The following PLS3 variants were observed in gnomAD, a reference collection of about 807,000 sequenced individuals.
PLS3 encodes plastin-3.
In PLS3, 11 loss-of-function variants were observed where a neutral mutation model predicts 46.5. The observed-to-expected ratio is 0.24, with a 90% CI of 0.15 to 0.39. PLS3 has a LOEUF of 0.39. PLS3 is among the 10% of genes least tolerant of loss of function. The probability of loss-of-function intolerance (pLI) is 1.00; values close to 1 mark genes in which losing one functional copy is unlikely to be tolerated. For synonymous variants in PLS3, 167 were observed against 162.2 expected (o/e 1.03, Z -0.22); for missense variants, 308 against 461.8 (o/e 0.67, Z 3.05).
chrX:115,612,378 T>TA lies in PLS3; in HGVS notation c.73+2061dup, dbSNP rs201119195. 6.5e-3 allele frequency among the ~76,000 whole-genome samples: 724 copies of TA among 112,119 alleles called. 5 individuals carry two copies. Among genetic ancestry groups the TA allele is most frequent in the African/African-American group, 0.022 (676 of 30,986 alleles). On this transcript the variant is annotated intron_variant, in intron 2 of 15. Coordinates refer to ENST00000355899, the MANE Select transcript of PLS3 (RefSeq NM_005032.7). ...CCCAGCCGAGTCTTTCGATTTTCTTTAAAAAATCTTTGTAGTTTTAAGTTG... is the reference window on the plus strand; with the variant it reads ...CCCAGCCGAGTCTTTCGATTTTCTTTAAAAAAATCTTTGTAGTTTTAAGTTG...
intron 1 of PLS3, among the ~76,000 whole-genome samples, chrX:115,579,624 T>C (rs1490760152): frequency 8.9e-6 from 1 of 112,192 alleles, no homozygotes; most frequent in Non-Finnish European, 1.9e-5. Context: ...GATAGCTCAT[T>C]GTAGTTGCAT....
At chrX:115,585,580 C>T (rs1419718709) in intron 1 of PLS3, among the ~76,000 whole-genome samples, 3 of 110,062 alleles carry the variant, frequency 2.7e-5, no homozygotes, top group African/African-American at 6.6e-5. Flanking sequence ...TTAGTAGAGA[C>T]GGGATTTCAC....
chrX:115,646,113 G>A lies in PLS3; in HGVS notation c.1304G>A (p.Arg435Gln), dbSNP rs1483121363. Residue 435 changes from arginine (R) to glutamine (Q), a missense_variant, in exon 12 of 16, where the codon CGA (arginine) becomes CAA (glutamine). This residue lies in a region of PLS3 where 271 missense variants were observed against 435.7 expected (regional missense o/e 0.62). Coordinates refer to ENST00000355899, the MANE Select transcript of PLS3 (RefSeq NM_005032.7). ...CTGGTAATCTTACAGTTATATGAAC[G>A]AATTAAAGTTCCTGTTGACTGGAGT... The part of the protein sequence containing the change: ...DALVILQLYE[R>Q]IKVPVDWSKV... 8.4e-7 allele frequency: 1 copy of A among 1,193,538 alleles called. No individual in the cohort carries two copies. The highest frequency in any genetic ancestry group is 1.1e-6 in the Non-Finnish European group (1 of 880,077).
chrX:115,611,213 C>A (rs1251307040), intron 2 of PLS3, among the ~76,000 whole-genome samples: 1 of 112,898 alleles, frequency 8.9e-6, no homozygotes, highest in African/African-American at 3.2e-5. Flanking sequence ...TCAACATTTT[C>A]TATGAAGGCA....
In PLS3 at chrX:115,584,395, A is replaced by G. The variant is rs186298712; in HGVS notation, c.-9+23135A>G. Among the ~76,000 whole-genome samples the G allele has an allele frequency of 2.5e-4, 28 of 112,435 alleles. 1 individual carries two copies. In the East Asian group the frequency reaches 7.2e-3, roughly 29 times the overall value. Reference sequence around the variant, plus strand: ...AAATACGAAAACAGTAGAGCAATTTAAAATTATTTAATGCTATCACTCAGC... The same window carrying G: ...AAATACGAAAACAGTAGAGCAATTTGAAATTATTTAATGCTATCACTCAGC... On this transcript the variant is annotated intron_variant, in intron 1 of 15. Coordinates refer to ENST00000355899, the MANE Select transcript of PLS3 (RefSeq NM_005032.7).
rs187529105 is a variant in PLS3 at position 115,586,265 on chromosome X, G to A, written c.-8-23978G>A. ...CTCCCAAAGTGCTGAGATTACAGGC[G>A]TGAGCCACTGCGCCCGGCCAAGAAT... On this transcript the variant is annotated intron_variant, in intron 1 of 15. Coordinates refer to ENST00000355899, the MANE Select transcript of PLS3 (RefSeq NM_005032.7). Among the ~76,000 whole-genome samples, 1,004 of 108,535 alleles carry A rather than the reference G, an allele frequency of 9.3e-3. 10 individuals are homozygous for A. The highest frequency in any genetic ancestry group is 0.03 in the African/African-American group (892 of 30,074). 94.2% of individuals were successfully genotyped at this position (108,535 alleles called of 115,157 possible). A position where few individuals can be genotyped will look rare whatever the true frequency, so the allele number is the denominator to read the frequency against.
chrX:115,605,389 T>A (rs1415496088), intron 1 of PLS3, among the ~76,000 whole-genome samples: 17 of 112,349 alleles, frequency 1.5e-4, no homozygotes, highest in African/African-American at 5.2e-4. Context: ...ACTGGATTAA[T>A]TTTTGGACTA....
intron 9 of PLS3, 134 bp downstream of exon 9, chrX:115,640,637 CA>C: frequency 2.6e-6 from 1 of 388,449 alleles, no homozygotes; most frequent in Admixed American, 4.5e-5. Context: ...TATTACTGTA[CA>C]TGTAATTCAG....
intron 1 of PLS3, among the ~76,000 whole-genome samples, chrX:115,589,133 A>G (rs1222041209): frequency 2.7e-5 from 3 of 110,608 alleles, no homozygotes; most frequent in Non-Finnish European, 3.8e-5. Flanking sequence ...ATGCCCAGCT[A>G]ATTTTTTTGT....
intron 1 of PLS3, among the ~76,000 whole-genome samples, chrX:115,568,851 T>C (rs1020876887): frequency 3.6e-5 from 4 of 111,081 alleles, no homozygotes; most frequent in Admixed American, 9.6e-5. Flanking sequence ...CTGGCCAACA[T>C]GGCAAAACTC....
chrX:115,645,811 T>A (rs146950809), intron 11 of PLS3, among the ~76,000 whole-genome samples: 25 of 112,016 alleles, frequency 2.2e-4, no homozygotes, highest in Middle Eastern at 4.6e-3. Context: ...TCTCTCTGAC[T>A]CTAATGCAAG....
chrX:115,599,520 CAAA>C (rs782065548), intron 1 of PLS3, among the ~76,000 whole-genome samples: 2 of 46,848 alleles, frequency 4.3e-5, no homozygotes, highest in Non-Finnish European at 8.1e-5. Flanking sequence ...GACTCTATCT[CAAA>C]AAAAAAAAAA....
At chrX:115,626,609 G>A (rs1437005868) in intron 3 of PLS3, among the ~76,000 whole-genome samples, 2 of 110,401 alleles carry the variant, frequency 1.8e-5, no homozygotes, top group Non-Finnish European at 3.8e-5. Context: ...AAAACCAAGG[G>A]AATAGAGGAA....
intron 1 of PLS3, among the ~76,000 whole-genome samples, chrX:115,564,738 A>C (rs1282405303): frequency 4.4e-5 from 5 of 112,579 alleles, no homozygotes; most frequent in Non-Finnish European, 9.4e-5. Context: ...TCTATGTGGA[A>C]TGTATAAGCT....
At position 115,590,448 on chromosome X, in the gene PLS3, C is replaced by T. The variant is rs782003970; in HGVS notation, c.-8-19795C>T. Among the ~76,000 whole-genome samples the T allele has an allele frequency of 5.8e-4, 64 of 111,241 alleles. 1 individual carries two copies. Among genetic ancestry groups the T allele is most frequent in the Non-Finnish European group, 1.9e-4 (10 of 53,090 alleles). The stretch of plus-strand genomic sequence containing the variant: ...CCCCACCGCCCCCGTCACGCACACA[C>T]CCACACACACCTCGGATGGTGAGTG... On this transcript the variant is annotated intron_variant, in intron 1 of 15. Transcript: ENST00000355899.
chrX:115,638,404 C>T (rs782640468), intron 8 of PLS3, among the ~76,000 whole-genome samples: 5 of 111,004 alleles, frequency 4.5e-5, no homozygotes, highest in Admixed American at 2.9e-4. Flanking sequence ...CCACTGTGCC[C>T]GGCCTGATTT....
chrX:115,628,508 C>G (rs781868466), intron 3 of PLS3, among the ~76,000 whole-genome samples: 1 of 111,727 alleles, frequency 9.0e-6, no homozygotes, highest in African/African-American at 3.2e-5. Flanking sequence ...AAAATATAGA[C>G]AGATAGAATG....
chrX:115,601,461 TAAAAA>T (rs113779727), intron 1 of PLS3, among the ~76,000 whole-genome samples: 2 of 87,800 alleles, frequency 2.3e-5, no homozygotes, highest in African/African-American at 8.2e-5. Flanking sequence ...GCAGATCTGA[TAAAAA>T]AAAAAAAAAA....
chrX:115,641,022 C>T (rs1556640942), intron 9 of PLS3, among the ~76,000 whole-genome samples: 4 of 110,491 alleles, frequency 3.6e-5, no homozygotes, highest in Non-Finnish European at 7.6e-5. Context: ...GGACAAGTTC[C>T]TTCTCAAAAT....
Sources: allele counts gnomAD v4.1 joint callset (sites outside exome capture counted in the v4.1 genomes callset), GRCh38; gene constraint gnomAD v4.1.1; regional missense constraint gnomAD v4.1.1; transcripts MANE v1.5; gene names NCBI Gene and HGNC (gene_info 2026-07-23, HGNC 2026-07-21).